Variants in GGA3 observed in about 807,000 individuals in gnomAD.
GGA3 encodes the protein ADP-ribosylation factor-binding protein GGA3.
GGA3 carries 57 observed loss-of-function variants against 77.5 expected under a neutral mutation model. The observed-to-expected ratio is 0.74, with a 90% CI of 0.59 to 0.92. The LOEUF (loss-of-function observed/expected upper bound fraction) is 0.92, where lower values mean the gene tolerates loss of function less well. Among genes scored for constraint, GGA3 ranks in the 40% least tolerant of loss-of-function variants. The probability of loss-of-function intolerance (pLI) is 0.00; values close to 1 mark genes in which losing one functional copy is unlikely to be tolerated. For missense variants in GGA3, 970 were observed against 914.9 expected, an observed-to-expected ratio of 1.06 and a Z score of -0.78; for synonymous variants, 416 against 383.7, an observed-to-expected ratio of 1.08 and a Z score of -0.98.
Position 75,237,839 on chromosome 17 carries a change from C to T in GGA3, c.*440G>A. ...CATGGAATTGCAACAGGGCTGCAGC[C>T]CCTTGGGCCGTGCATCTGTCAGGTG... On this transcript the variant is annotated 3_prime_UTR_variant, in exon 17 of 17. Coordinates refer to ENST00000537686, the MANE Select transcript of GGA3 (RefSeq NM_138619.4). 7.0e-7 allele frequency: 1 copy of T among 1,419,928 alleles called. No homozygotes were observed. The highest frequency in any genetic ancestry group is 9.2e-7 in the Non-Finnish European group (1 of 1,092,612). 88.0% of individuals were successfully genotyped at this position (1,419,928 alleles called of 1,614,324 possible).
intron 1 of GGA3, among the ~76,000 whole-genome samples, chr17:75,250,389 T>C (rs1228134242): frequency 1.3e-5 from 2 of 152,222 alleles, no homozygotes; most frequent in South Asian, 4.1e-4. Flanking sequence ...CTCGTGGGAC[T>C]TAAAACGTCA....
chr17:75,238,751 C>T lies in GGA3; in HGVS notation c.1962G>A (p.Val654=). ...LQAAVPKSMK[V]KLQPPSGTEL... ...CTGTCCCAGAAGGTGGCTGCAACTT[C>T]ACTTTCATTGACTAAAGAGAGAGAA... Residue 654 remains valine, a synonymous_variant, in exon 16 of 17, where the codon GTG becomes GTA. Transcript: ENST00000537686. The T allele has an allele frequency of 1.2e-6, 2 of 1,613,180 alleles. No individual in the cohort carries two copies. Among genetic ancestry groups the T allele is most frequent in the Non-Finnish European group, 1.7e-6 (2 of 1,179,352 alleles).
chr17:75,258,956 T>C (rs2077250281), intron 1 of GGA3, among the ~76,000 whole-genome samples: 1 of 149,242 alleles, frequency 6.7e-6, no homozygotes, highest in Non-Finnish European at 1.5e-5. Context: ...TTGTATCTTT[T>C]TTTTTTTTTT....
chr17:75,244,109 A>T (rs1315360407), intron 4 of GGA3, among the ~76,000 whole-genome samples: 3 of 152,094 alleles, frequency 2.0e-5, no homozygotes, highest in African/African-American at 7.2e-5. Flanking sequence ...ATTTTCACGC[A>T]CAAGTTGCCA....
At position 75,238,913 on chromosome 17, in the gene GGA3, C is replaced by A; in HGVS notation, c.1950+1G>T. ...TTTTGGCCCCAGGGAGACACTGGTACCTTGGGCACTGCAGCCTGCAGCACG... is the reference window on the plus strand; with the variant it reads ...TTTTGGCCCCAGGGAGACACTGGTAACTTGGGCACTGCAGCCTGCAGCACG... On this transcript the variant is annotated splice_donor_variant, in intron 15 of 16. Transcript: ENST00000537686. LOFTEE classifies it high-confidence loss of function. 1 of 1,613,680 alleles carries A rather than the reference C, an allele frequency of 6.2e-7. No homozygotes were observed. The highest frequency in any genetic ancestry group is 8.5e-7 in the Non-Finnish European group (1 of 1,179,780).
intron 1 of GGA3, among the ~76,000 whole-genome samples, chr17:75,260,662 C>T (rs892580947): frequency 2.0e-5 from 3 of 152,176 alleles, no homozygotes; most frequent in African/African-American, 7.2e-5. Flanking sequence ...CTCACCTATC[C>T]CATTACCAGT....
rs1491571559 is a variant in GGA3, at chr17:75,257,289, C to CCACA, written c.40+4258_40+4259insTGTG. On this transcript the variant is annotated intron_variant, in intron 1 of 16. Coordinates refer to ENST00000537686, the MANE Select transcript of GGA3 (RefSeq NM_138619.4). The stretch of plus-strand genomic sequence containing the variant: ...CCAACTTAGACTGTGCCCCCCCCCC[C>CCACA]AAAAAAAACCTGTCATCATCCCTAC... Among the ~76,000 whole-genome samples the CCACA allele has an allele frequency of 5.1e-4, 7 of 13,762 alleles. No individual in the cohort carries two copies. In the South Asian group the frequency reaches 0.056, roughly 109 times the overall value. 9.0% of individuals were successfully genotyped at this position (13,762 alleles called of 152,430 possible). A position where few individuals can be genotyped will look rare whatever the true frequency, so the allele number is the denominator to read the frequency against.
chr17:75,258,601 C>T (rs1006519471), intron 1 of GGA3, among the ~76,000 whole-genome samples: 6 of 152,128 alleles, frequency 3.9e-5, no homozygotes, highest in Admixed American at 1.3e-4. Flanking sequence ...ACCTAAGCAA[C>T]GGAAGTTGCA....
At position 75,237,129 on chromosome 17, in the gene GGA3, C is replaced by T; in HGVS notation, c.*1150G>A. The T allele has an allele frequency of 2.9e-6, 1 of 349,308 alleles. No homozygotes were observed. Among genetic ancestry groups the T allele is most frequent in the East Asian group, 5.1e-5 (1 of 19,596 alleles). 21.6% of individuals were successfully genotyped at this position (349,308 alleles called of 1,614,324 possible). On this transcript the variant is annotated 3_prime_UTR_variant, in exon 17 of 17. Coordinates refer to ENST00000537686, the MANE Select transcript of GGA3 (RefSeq NM_138619.4). ...GTACATGTCCCAGGATCACATCCAG[C>T]AGCTAGAGTGGCTGGGACAAGCTGG...
At chr17:75,257,887 TC>T (rs1275101653) in intron 1 of GGA3, among the ~76,000 whole-genome samples, 15 of 152,218 alleles carry the variant, frequency 9.9e-5, no homozygotes, top group African/African-American at 3.1e-4. Context: ...AGCCATCGCA[TC>T]CCCTATGACT....
chr17:75,244,423 C>T (rs2076683249), intron 4 of GGA3, 196 bp downstream of exon 4: 1 of 555,718 alleles, frequency 1.8e-6, no homozygotes. Flanking sequence ...GGGCTGAGGG[C>T]GCTTCAGAAA....
intron 1 of GGA3, among the ~76,000 whole-genome samples, chr17:75,258,336 C>T (rs2077226297): frequency 6.6e-6 from 1 of 152,120 alleles, no homozygotes; most frequent in South Asian, 2.1e-4. Context: ...TCACCTAGTA[C>T]AGAAGGAATG....
rs1598413766 is a variant in GGA3, at chr17:75,246,745, C to A, written c.92G>T (p.Gly31Val). The A allele has an allele frequency of 6.2e-7, 1 of 1,613,984 alleles. No individual in the cohort carries two copies. The highest frequency in any genetic ancestry group is 8.5e-7 in the Non-Finnish European group (1 of 1,179,964). Residue 31 changes from glycine (G) to valine (V), a missense_variant, in exon 2 of 17, where the codon GGC (glycine) becomes GTC (valine). Transcript: ENST00000537686. Reference sequence around the variant, plus strand: ...CTCCTTGTTGATCTGATCACAGAAGCCAATTATGTATTCCCAGTCCTCCTG... The same window carrying A: ...CTCCTTGTTGATCTGATCACAGAAGACAATTATGTATTCCCAGTCCTCCTG... ...NRQEDWEYII[G>V]FCDQINKELE...
intron 1 of GGA3, among the ~76,000 whole-genome samples, chr17:75,260,870 T>G (rs748557570): frequency 2.6e-5 from 4 of 151,220 alleles, no homozygotes; most frequent in Admixed American, 6.6e-5. Flanking sequence ...TTACTCAGAA[T>G]AGGCTATCAA....
At chr17:75,262,110 T>C, upstream of GGA3, 1 of 1,147,580 alleles carries the variant, frequency 8.7e-7, no homozygotes. Flanking sequence ...AGCTTCTAAG[T>C]TAGCTGCGTG....
rs1187380032 is a variant in GGA3, at chr17:75,240,792, A to AC, written c.1192+19dup. ...AGAGCCCTGTCAGGGGATGCCCCTG[A>AC]CGCCCCCTGTGGGCCGCACCCAAGC... On this transcript the variant is annotated intron_variant, in intron 11 of 16. Coordinates refer to ENST00000537686, the MANE Select transcript of GGA3 (RefSeq NM_138619.4). 2.5e-6 allele frequency: 4 copies of AC among 1,594,502 alleles called. No individual in the cohort carries two copies. The highest frequency in any genetic ancestry group is 3.4e-6 in the Non-Finnish European group (4 of 1,172,026).
In GGA3 at chr17:75,240,815, A is replaced by G; in HGVS notation, c.1189T>C (p.Leu397=). Residue 397 remains leucine, a synonymous_variant, in exon 11 of 17, where the codon TTG becomes CTG. Coordinates refer to ENST00000537686, the MANE Select transcript of GGA3 (RefSeq NM_138619.4). ...LSWLDEELLC[L]GLADPAPNVP... ...TGACGCCCCCTGTGGGCCGCACCCA[A>G]GCAGAGTAGCTCCTCGTCCAGCCAG... 1 of 1,610,478 alleles carries G rather than the reference A, an allele frequency of 6.2e-7. No homozygotes were observed. The highest frequency in any genetic ancestry group is 8.5e-7 in the Non-Finnish European group (1 of 1,179,212).
rs763733594 is a variant in GGA3, at chr17:75,239,341, A to G, written c.1780+34T>C. 1.3e-5 allele frequency: 20 copies of G among 1,491,774 alleles called. No homozygotes were observed. The South Asian group carries it at 2.5e-4, about 19-fold the overall frequency. The allele number at this position is 1,491,774 out of a possible 1,614,324, so 92.4% of individuals were successfully genotyped here. A position where few individuals can be genotyped will look rare whatever the true frequency, so the allele number is the denominator to read the frequency against. On this transcript the variant is annotated intron_variant, in intron 14 of 16. Transcript: ENST00000537686. ...CTACAGCTCCGTGGCTATAGGCCCC[A>G]CCGCCCCACCCACCTCAATCCTCCA...
chr17:75,247,449 A>G (rs190296006), intron 1 of GGA3, among the ~76,000 whole-genome samples: 1 of 152,098 alleles, frequency 6.6e-6, no homozygotes, highest in African/African-American at 2.4e-5. Context: ...TTTGGTAGAG[A>G]CGGGGTTTCT....
Sources: allele counts gnomAD v4.1 joint callset (sites outside exome capture counted in the v4.1 genomes callset), GRCh38; gene constraint gnomAD v4.1.1; transcripts MANE v1.5; gene names NCBI Gene and HGNC (gene_info 2026-07-23, HGNC 2026-07-21).